LUZP1: variants seen among roughly 807,000 people sequenced by gnomAD.
LUZP1 encodes filamin mechanobinding actin cross-linking protein.
A neutral mutation model predicts 71.3 loss-of-function variants in LUZP1; 25 were observed. The observed-to-expected ratio is 0.35, with a 90% CI of 0.26 to 0.49. The LOEUF (loss-of-function observed/expected upper bound fraction) is 0.49, where lower values mean the gene tolerates loss of function less well. Among genes scored for constraint, LUZP1 ranks in the 20% least tolerant of loss-of-function variants. The pLI, the probability that LUZP1 is intolerant of heterozygous loss-of-function variation, is 0.99. For missense variants in LUZP1, 1,142 were observed against 1,300.8 expected, an observed-to-expected ratio of 0.88 and a Z score of 1.88; for synonymous variants, 481 against 506.4, an observed-to-expected ratio of 0.95 and a Z score of 0.67.
At chr1:23,175,632 C>T (rs1401754646) in intron 1 of LUZP1, among the ~76,000 whole-genome samples, 1 of 152,180 alleles carries the variant, frequency 6.6e-6, no homozygotes, top group Non-Finnish European at 1.5e-5. Context: ...CTGCATCCCT[C>T]CATTCCTTTA....
intron 3 of LUZP1, among the ~76,000 whole-genome samples, chr1:23,105,880 G>C (rs1454286446): frequency 6.6e-6 from 1 of 151,520 alleles, no homozygotes; most frequent in Non-Finnish European, 1.5e-5. Context: ...TTTTGTCTTG[G>C]GATCACATGA....
intron 2 of LUZP1, among the ~76,000 whole-genome samples, chr1:23,152,243 T>C (rs898019188): frequency 6.6e-6 from 1 of 152,152 alleles, no homozygotes; most frequent in African/African-American, 2.4e-5. Context: ...GATGACAGTG[T>C]TTATTAAGGT....
chr1:23,117,509 G>C (rs1219765440), intron 2 of LUZP1, among the ~76,000 whole-genome samples: 2 of 60,224 alleles, frequency 3.3e-5, no homozygotes, highest in Admixed American at 1.8e-4. Flanking sequence ...GGAAGCCCTG[G>C]GGGGGGGGGC....
intron 2 of LUZP1, among the ~76,000 whole-genome samples, chr1:23,121,414 A>G (rs1219009615): frequency 6.6e-6 from 1 of 152,214 alleles, no homozygotes; most frequent in Non-Finnish European, 1.5e-5. Context: ...AGTCTTATCC[A>G]AATTTAAAAA....
In LUZP1 at chr1:23,114,634, C is replaced by T. The variant is rs988646888; in HGVS notation, c.-225-5507G>A. On this transcript the variant is annotated intron_variant, in intron 2 of 4. Coordinates refer to ENST00000302291, the Ensembl canonical transcript of LUZP1. Reference sequence around the variant, plus strand: ...GAAGACATGTCAATTTCTTTAAGGCCTGCCTTTTGCTCACTTCCCTCCTCC... The same window carrying T: ...GAAGACATGTCAATTTCTTTAAGGCTTGCCTTTTGCTCACTTCCCTCCTCC... Among the ~76,000 whole-genome samples the T allele has an allele frequency of 7.2e-5, 11 of 152,324 alleles. No homozygotes were observed. In the East Asian group the frequency reaches 2.1e-3, roughly 29 times the overall value.
chr1:23,117,519 C>CA (rs1553137849), intron 2 of LUZP1, among the ~76,000 whole-genome samples: 1 of 31,024 alleles, frequency 3.2e-5, no homozygotes, highest in Non-Finnish European at 5.6e-5. Flanking sequence ...GGGGGGGGGG[C>CA]GGGGGGGGGG....
chr1:23,118,164 G>T (rs753624363), intron 2 of LUZP1, among the ~76,000 whole-genome samples: 1 of 152,076 alleles, frequency 6.6e-6, no homozygotes, highest in Non-Finnish European at 1.5e-5. Flanking sequence ...CACTGTGGGA[G>T]GCCAAAGTGG....
At position 23,093,561 on chromosome 1, in the gene LUZP1, T is replaced by C; in HGVS notation, c.701A>G (p.Asn234Ser). The C allele has an allele frequency of 6.2e-7, 1 of 1,614,034 alleles. No individual in the cohort carries two copies. Among genetic ancestry groups the C allele is most frequent in the Non-Finnish European group, 8.5e-7 (1 of 1,180,002 alleles). Residue 234 changes from asparagine (N) to serine (S), a missense_variant, in exon 4 of 5, where the codon AAT becomes AGT. Asn to Ser is a conservative substitution (Grantham distance 46, BLOSUM62 1). Coordinates refer to ENST00000302291, the Ensembl canonical transcript of LUZP1. This position sits in a 1 kb window ranked among gnomAD's most constrained non-coding sequence, Gnocchi z 4.2. ...AATCCGTAGGTCATTTCTTTCCAGA[T>C]TAGAAGCATTCCTTGTATAATCTCG...
intron 2 of LUZP1, among the ~76,000 whole-genome samples, chr1:23,147,650 T>C (rs1304178546): frequency 6.6e-6 from 1 of 150,454 alleles, no homozygotes; most frequent in Admixed American, 6.6e-5. Flanking sequence ...AAATGGATTA[T>C]ATACTCATCC....
At chr1:23,173,350 CTTTTTTTTTTT>C (rs869169060) in intron 1 of LUZP1, among the ~76,000 whole-genome samples, 3 of 80,368 alleles carry the variant, frequency 3.7e-5, no homozygotes, top group African/African-American at 9.7e-5. Context: ...TTTGTTTTTT[CTTTTTTTTTTT>C]TTTTTTTTTT....
chr1:23,093,788 G>C lies in LUZP1; in HGVS notation c.474C>G (p.Leu158=), dbSNP rs150515276. The C allele has an allele frequency of 4.9e-4, 786 of 1,613,944 alleles. 6 individuals carry two copies. The African/African-American group carries it at 8.8e-3, about 18-fold the overall frequency. The change falls in exon 4 of 5, where the codon CTC becomes CTG. Residue 158 remains leucine (L), a synonymous_variant. Transcript: ENST00000302291. This position sits in a 1 kb window ranked among gnomAD's most constrained non-coding sequence, Gnocchi z 4.2. The stretch of plus-strand genomic sequence containing the variant: ...ATTCTAGTTCTTTCACTTTGACTCT[G>C]AGCATTTCCAGCTCAGAGGAGATTT...
chr1:23,156,946 A>G (rs1223644252), intron 2 of LUZP1, among the ~76,000 whole-genome samples: 1 of 152,270 alleles, frequency 6.6e-6, no homozygotes, highest in Non-Finnish European at 1.5e-5. Context: ...ATGATGACTT[A>G]CCAGAATTAA....
chr1:23,163,996 G>A (rs1644490087), intron 2 of LUZP1: 1 of 152,176 alleles, frequency 6.6e-6, no homozygotes, highest in Admixed American at 6.5e-5. Context: ...GAATAATACA[G>A]AGAAGATTAG....
chr1:23,166,048 C>CA (rs76454136), intron 2 of LUZP1, among the ~76,000 whole-genome samples: 30,597 of 98,354 alleles, frequency 0.31, 4,063 homozygotes, highest in African/African-American at 0.47. Flanking sequence ...GTCTTTTTAC[C>CA]AAAAAAAAAA....
Position 23,094,256 on chromosome 1 carries a change from G to A in LUZP1, c.6C>T (p.Ala2=), listed in dbSNP as rs757194327. 9 of 1,600,550 alleles carry A rather than the reference G, an allele frequency of 5.6e-6. No individual in the cohort carries two copies. Among genetic ancestry groups the A allele is most frequent in the South Asian group, 4.5e-5 (4 of 88,522 alleles). ...CCGTCTCCTTGTAGCTTGTAAATTC[G>A]GCCATGTCTACTGCCAGCCAATGTG... The change falls in exon 4 of 5, where the codon GCC becomes GCT. Residue 2 remains alanine, a synonymous_variant. Transcript: ENST00000302291. The surrounding 1 kb of genome is among the most constrained non-coding windows in gnomAD (Gnocchi z 4.7).
intron 3 of LUZP1, among the ~76,000 whole-genome samples, chr1:23,103,964 C>T (rs958077183): frequency 1.4e-5 from 2 of 145,362 alleles, no homozygotes; most frequent in Admixed American, 1.4e-4. Context: ...CAAAACAATG[C>T]TGTATTCGGG....
chr1:23,146,938 A>C (rs561361248), intron 2 of LUZP1, among the ~76,000 whole-genome samples: 1 of 151,834 alleles, frequency 6.6e-6, no homozygotes, highest in South Asian at 2.1e-4. Context: ...TCTACTAAAA[A>C]TACAAAAAAT....
At chr1:23,113,912 A>T (rs903351852) in intron 2 of LUZP1, among the ~76,000 whole-genome samples, 3 of 152,130 alleles carry the variant, frequency 2.0e-5, no homozygotes, top group Non-Finnish European at 4.4e-5. Context: ...AATATGCTCA[A>T]AATGAAGGGG....
intron 2 of LUZP1, among the ~76,000 whole-genome samples, chr1:23,155,181 C>T (rs571742572): frequency 6.6e-6 from 1 of 152,284 alleles, no homozygotes; most frequent in African/African-American, 2.4e-5. Context: ...CACACCCTAA[C>T]TACATTTTCT....
Sources: allele counts gnomAD v4.1 joint callset (sites outside exome capture counted in the v4.1 genomes callset), GRCh38; gene constraint gnomAD v4.1.1; non-coding constraint Gnocchi (gnomAD v3.1); transcripts MANE v1.5; gene names NCBI Gene and HGNC (gene_info 2026-07-23, HGNC 2026-07-21).